The following CADPS variants were observed in gnomAD, a reference collection of about 807,000 sequenced individuals.
CADPS encodes the protein calcium-dependent secretion activator 1.
A neutral mutation model predicts 167.3 loss-of-function variants in CADPS; 57 were observed. The ratio of observed to expected loss-of-function variants is 0.34; its 90% CI spans 0.28 to 0.42. The LOEUF is 0.42. Ranked by LOEUF, CADPS falls within the 20% of genes least tolerant of loss-of-function variation. CADPS has a pLI of 1.00. For synonymous variants in CADPS, 676 were observed against 635.3 expected, an observed-to-expected ratio of 1.06 and a Z score of -0.96; for missense variants, 1,414 against 1,738.1, an observed-to-expected ratio of 0.81 and a Z score of 3.32.
intron 1 of CADPS, among the ~76,000 whole-genome samples, chr3:62,772,469 T>C (rs1197762201): frequency 1.3e-5 from 2 of 152,228 alleles, no homozygotes; most frequent in Non-Finnish European, 2.9e-5. Context: ...CTGCTGAGAA[T>C]ACAAATCTAT....
chr3:62,861,434 C>T (rs530870071), intron 1 of CADPS, among the ~76,000 whole-genome samples: 32 of 152,136 alleles, frequency 2.1e-4, no homozygotes, highest in Non-Finnish European at 3.8e-4. Context: ...TCAACAATTG[C>T]TGTAGGGAAA....
intron 1 of CADPS, among the ~76,000 whole-genome samples, chr3:62,870,066 G>A (rs1204045148): frequency 1.3e-5 from 2 of 152,074 alleles, no homozygotes; most frequent in Admixed American, 1.3e-4. Flanking sequence ...ACCTTTCATG[G>A]TATTCCGCAT....
At chr3:62,766,275 TGAGGTTAC>T (rs1444804222) in intron 1 of CADPS, among the ~76,000 whole-genome samples, 1 of 152,182 alleles carries the variant, frequency 6.6e-6, no homozygotes, top group Non-Finnish European at 1.5e-5. Context: ...TCAGTGCTTT[TGAGGTTAC>T]TTACACCTAT....
At chr3:62,860,493 G>T (rs2080573298) in intron 1 of CADPS, among the ~76,000 whole-genome samples, 1 of 152,158 alleles carries the variant, frequency 6.6e-6, no homozygotes, top group African/African-American at 2.4e-5. Context: ...CGTTGGCCCT[G>T]TGGAACCTGC....
intron 17 of CADPS, among the ~76,000 whole-genome samples, chr3:62,512,363 A>G (rs2068032821): frequency 6.6e-6 from 1 of 152,160 alleles, no homozygotes; most frequent in Non-Finnish European, 1.5e-5. Context: ...CATTCATCAA[A>G]GAACACAAAC....
At chr3:62,840,002 G>A (rs1027794475) in intron 1 of CADPS, among the ~76,000 whole-genome samples, 1 of 152,134 alleles carries the variant, frequency 6.6e-6, no homozygotes, top group African/African-American at 2.4e-5. Context: ...CTCAGTCGGG[G>A]ACATACTGAG....
intron 3 of CADPS, among the ~76,000 whole-genome samples, chr3:62,673,685 T>A (rs931123020): frequency 2.6e-5 from 4 of 152,232 alleles, no homozygotes; most frequent in African/African-American, 9.6e-5. Flanking sequence ...TTATTTTCAT[T>A]GCCATTCGTT....
chr3:62,644,819 CA>C (rs1324790533), intron 6 of CADPS, among the ~76,000 whole-genome samples: 1 of 152,216 alleles, frequency 6.6e-6, no homozygotes, highest in Non-Finnish European at 1.5e-5. Flanking sequence ...CATCTGTCCT[CA>C]CAAACTGGTT....
intron 8 of CADPS, among the ~76,000 whole-genome samples, chr3:62,583,163 C>CTCTCTCTCTCTG (rs2083813812): frequency 6.8e-6 from 1 of 146,990 alleles, no homozygotes; most frequent in African/African-American, 2.6e-5. Context: ...TTGTCTCTCT[C>CTCTCTCTCTCTG]TCTCTCTCTC....
chr3:62,469,308 C>T (rs1209680705), intron 24 of CADPS, among the ~76,000 whole-genome samples: 1 of 152,168 alleles, frequency 6.6e-6, no homozygotes, highest in African/African-American at 2.4e-5. Context: ...ACTCTGCTTT[C>T]ACTCCTTGAT....
intron 1 of CADPS, among the ~76,000 whole-genome samples, chr3:62,845,798 A>G (rs1378160836): frequency 6.6e-6 from 1 of 151,924 alleles, no homozygotes. Context: ...GATTTTATTG[A>G]TTTCTTCCCC....
At chr3:62,407,252 A>G (rs1022179524) in intron 28 of CADPS, among the ~76,000 whole-genome samples, 2 of 152,162 alleles carry the variant, frequency 1.3e-5, no homozygotes, top group Admixed American at 6.5e-5. Flanking sequence ...AGGGAAAGTC[A>G]TGTGGTGGTG....
intron 7 of CADPS, among the ~76,000 whole-genome samples, chr3:62,588,563 G>T (rs1209063967): frequency 6.6e-6 from 1 of 152,010 alleles, no homozygotes; most frequent in Non-Finnish European, 1.5e-5. Flanking sequence ...GGACAATTTG[G>T]CAGTAGCTGT....
intron 27 of CADPS, among the ~76,000 whole-genome samples, chr3:62,444,499 G>A (rs903131945): frequency 2.6e-5 from 4 of 152,186 alleles, no homozygotes; most frequent in Admixed American, 6.5e-5. Context: ...AGCTCCCCAC[G>A]AAGGGAAAGT....
intron 1 of CADPS, among the ~76,000 whole-genome samples, chr3:62,827,237 G>A (rs1392485440): frequency 6.6e-6 from 1 of 152,178 alleles, no homozygotes; most frequent in Non-Finnish European, 1.5e-5. Context: ...AAAATGGGAT[G>A]TTTCCATTGG....
At chr3:62,758,450 C>T (rs2084545974) in intron 2 of CADPS, among the ~76,000 whole-genome samples, 1 of 152,178 alleles carries the variant, frequency 6.6e-6, no homozygotes, top group South Asian at 2.1e-4. Flanking sequence ...TTTCTACAGG[C>T]ACATCATCTG....
At chr3:62,846,307 C>G (rs2077424312) in intron 1 of CADPS, among the ~76,000 whole-genome samples, 1 of 152,198 alleles carries the variant, frequency 6.6e-6, no homozygotes, top group East Asian at 1.9e-4. Flanking sequence ...TCTGGGAAGA[C>G]TACTCCATAA....
chr3:62,734,108 T>G (rs13061236), intron 3 of CADPS, among the ~76,000 whole-genome samples: 36,059 of 152,104 alleles, frequency 0.24, 4,581 homozygotes, highest in African/African-American at 0.33. Context: ...TGCATATGCA[T>G]GTGTCTTTTT....
At chr3:62,825,106 C>A (rs1417515437) in intron 1 of CADPS, among the ~76,000 whole-genome samples, 1 of 152,122 alleles carries the variant, frequency 6.6e-6, no homozygotes, top group Non-Finnish European at 1.5e-5. Flanking sequence ...ATTTCACAGC[C>A]TTTTGTTCTA....
Sources: gnomAD v4.1 joint callset for allele counts (sites outside exome capture counted in the v4.1 genomes callset) on GRCh38, gnomAD v4.1.1 for gene constraint, MANE v1.5 for transcripts, NCBI Gene and HGNC (gene_info 2026-07-23, HGNC 2026-07-21) for gene names.